IVNS1ABP: variants seen among roughly 807,000 people sequenced by gnomAD.
IVNS1ABP encodes the protein influenza virus NS1A binding protein.
Under a neutral mutation model 78.9 loss-of-function variants are expected in IVNS1ABP, and 25 were observed. That is an observed-to-expected ratio of 0.32 (90% confidence interval 0.23 to 0.44). The LOEUF (loss-of-function observed/expected upper bound fraction) is 0.44. IVNS1ABP is among the 20% of genes least tolerant of loss of function. IVNS1ABP has a pLI of 1.00. For synonymous variants in IVNS1ABP, 241 were observed against 259.7 expected (o/e 0.93, Z 0.69); for missense variants, 494 against 768.9 (o/e 0.64, Z 4.23).
At chr1:185,301,300 C>T in intron 9 of IVNS1ABP, 104 bp from the exon 10 acceptor site, 1 of 1,413,490 alleles carries the variant, frequency 7.1e-7, no homozygotes, top group East Asian at 2.3e-5. Flanking sequence ...CTGGAACAAT[C>T]TGCTCTCGTT....
At chr1:185,306,515 C>A (rs997153201) in intron 7 of IVNS1ABP, 1 of 1,289,228 alleles carries the variant, frequency 7.8e-7, no homozygotes, top group African/African-American at 1.5e-5. Flanking sequence ...CTGCCCACAG[C>A]GGATTTTTCT....
At chr1:185,312,937 T>A (rs1360835193) in intron 1 of IVNS1ABP, among the ~76,000 whole-genome samples, 1 of 152,136 alleles carries the variant, frequency 6.6e-6, no homozygotes, top group African/African-American at 2.4e-5. Flanking sequence ...GCTCTTAAAA[T>A]AAGAGGAAGG....
At chr1:185,306,845 T>C in intron 7 of IVNS1ABP, 169 bp downstream of exon 7, 2 of 773,096 alleles carry the variant, frequency 2.6e-6, no homozygotes, top group South Asian at 1.9e-5. Flanking sequence ...AACTGAACAG[T>C]TCATTCAGCT....
chr1:185,303,164 T>TA (rs899532094), intron 8 of IVNS1ABP, among the ~76,000 whole-genome samples: 3 of 152,044 alleles, frequency 2.0e-5, no homozygotes, highest in East Asian at 1.9e-4. Context: ...TGTACTGAAG[T>TA]AAAAAAACTG....
intron 9 of IVNS1ABP, 70 bp from the exon 10 acceptor site, chr1:185,301,266 GGAC>G: frequency 7.0e-7 from 1 of 1,433,012 alleles, no homozygotes; most frequent in Non-Finnish European, 9.7e-7. Context: ...ATCCTGAATT[GGAC>G]TCCAGTCTCC....
chr1:185,315,393 A>C (rs542968611), intron 1 of IVNS1ABP, among the ~76,000 whole-genome samples: 1 of 152,360 alleles, frequency 6.6e-6, no homozygotes, highest in South Asian at 2.1e-4. Context: ...GGGGAAAGTT[A>C]GAAAATCAAC....
In IVNS1ABP at chr1:185,296,820, C is replaced by G. The variant is rs1665431379; in HGVS notation, c.*1215G>C. Reference sequence around the variant, plus strand: ...AGTTATTTTCCACAAATTTCTTAAGCTCATTACTGGAAAAAAAAATTTCTC... The same window carrying G: ...AGTTATTTTCCACAAATTTCTTAAGGTCATTACTGGAAAAAAAAATTTCTC... On this transcript the variant is annotated 3_prime_UTR_variant, in exon 15 of 15. Coordinates refer to ENST00000367498, the MANE Select transcript of IVNS1ABP (RefSeq NM_006469.5). The G allele has an allele frequency of 6.6e-6, 1 of 152,006 alleles. No individual in the cohort carries two copies. Among genetic ancestry groups the G allele is most frequent in the African/African-American group, 2.4e-5 (1 of 41,384 alleles). 9.4% of individuals were successfully genotyped at this position (152,006 alleles called of 1,614,324 possible). A position where few individuals can be genotyped will look rare whatever the true frequency, so the allele number is the denominator to read the frequency against.
In IVNS1ABP at chr1:185,305,504, C is replaced by T. The variant is rs1157477183; in HGVS notation, c.765+32G>A. ...ATCAAATTCTCTAGTCAAATTTTAA[C>T]CTGAGGTTACCTCAGACTGTGCAAT... On this transcript the variant is annotated intron_variant, in intron 8 of 14. Transcript: ENST00000367498. This position sits in a 1 kb window ranked among gnomAD's most constrained non-coding sequence, Gnocchi z 4.0. 3 of 1,607,450 alleles carry T rather than the reference C, an allele frequency of 1.9e-6. No homozygotes were observed. Among genetic ancestry groups the T allele is most frequent in the Non-Finnish European group, 8.5e-7 (1 of 1,176,822 alleles).
At position 185,305,994 on chromosome 1, in the gene IVNS1ABP, T is replaced by G. The variant is rs141191736; in HGVS notation, c.658-351A>C. ...TCTTAAAGAATATACATATTTACAA[T>G]AAAATACTGAATATAGTTTACACCT... On this transcript the variant is annotated intron_variant, in intron 7 of 14. Coordinates refer to ENST00000367498, the MANE Select transcript of IVNS1ABP (RefSeq NM_006469.5). The surrounding 1 kb of genome is among the most constrained non-coding windows in gnomAD (Gnocchi z 4.0). 65 of 193,058 alleles carry G rather than the reference T, an allele frequency of 3.4e-4. No homozygotes were observed. Among genetic ancestry groups the G allele is most frequent in the African/African-American group, 1.5e-3 (65 of 42,380 alleles). 12.0% of individuals were successfully genotyped at this position (193,058 alleles called of 1,614,324 possible).
intron 5 of IVNS1ABP, among the ~76,000 whole-genome samples, chr1:185,308,540 T>C (rs1378330969): frequency 6.6e-6 from 1 of 152,206 alleles, no homozygotes; most frequent in Non-Finnish European, 1.5e-5. Flanking sequence ...TTTTAATTCA[T>C]GCTATCAAAG....
At chr1:185,307,914 T>C in intron 5 of IVNS1ABP, 1 of 1,525,418 alleles carries the variant, frequency 6.6e-7, no homozygotes, top group East Asian at 2.5e-5. Flanking sequence ...ATAAGTATTT[T>C]CAAGTAGAAT....
intron 2 of IVNS1ABP, among the ~76,000 whole-genome samples, chr1:185,310,324 T>C (rs907201705): frequency 6.6e-6 from 1 of 152,090 alleles, no homozygotes; most frequent in African/African-American, 2.4e-5. Flanking sequence ...AAAACAGTGA[T>C]AGGCTGGGCG....
rs1200006343 is a variant in IVNS1ABP at position 185,297,482 on chromosome 1, C to G, written c.*553G>C. On this transcript the variant is annotated 3_prime_UTR_variant, in exon 15 of 15. Transcript: ENST00000367498. ...ATTTTACTTCAATTGGTAAAGCACT[C>G]TGCTGAGAATATAAAAAGTTATAAA... The G allele has an allele frequency of 6.5e-6, 1 of 153,136 alleles. No homozygotes were observed. Among genetic ancestry groups the G allele is most frequent in the East Asian group, 1.9e-4 (1 of 5,194 alleles). The allele number at this position is 153,136 out of a possible 1,614,324, so 9.5% of individuals were successfully genotyped here.
intron 5 of IVNS1ABP, chr1:185,308,025 C>G: frequency 6.5e-7 from 1 of 1,549,112 alleles, no homozygotes; most frequent in Non-Finnish European, 8.7e-7. Flanking sequence ...ATGCTGCAAA[C>G]AATTTAATTT....
intron 9 of IVNS1ABP, 62 bp from the exon 10 acceptor site, chr1:185,301,258 C>T (rs1665590237): frequency 1.4e-5 from 21 of 1,473,090 alleles, no homozygotes; most frequent in Non-Finnish European, 1.8e-5. Context: ...TGTATATGAT[C>T]CTGAATTGGA....
chr1:185,301,293 G>T, intron 9 of IVNS1ABP, 97 bp from the exon 10 acceptor site: 1 of 1,400,510 alleles, frequency 7.1e-7, no homozygotes, highest in Non-Finnish European at 9.9e-7. Flanking sequence ...TCCCAGACTG[G>T]AACAATCTGC....
chr1:185,312,825 G>T (rs559870755), intron 1 of IVNS1ABP, among the ~76,000 whole-genome samples: 2 of 152,190 alleles, frequency 1.3e-5, no homozygotes, highest in East Asian at 3.9e-4. Flanking sequence ...TTTCAGCCAA[G>T]ACCTGGCTCA....
In IVNS1ABP at chr1:185,300,507, T is replaced by C. The variant is rs144406498; in HGVS notation, c.1172A>G (p.His391Arg). The change falls in exon 11 of 15, where the codon CAT (histidine) becomes CGT (arginine). Residue 391 changes from histidine to arginine, a missense_variant. Physicochemically the swap from His to Arg is conservative, Grantham distance 29. Coordinates refer to ENST00000367498, the MANE Select transcript of IVNS1ABP (RefSeq NM_006469.5). ...AGCAAGAAAGGACCAGTGATCTGTA[T>C]GTGGATTATAGCATTCGACTGTTCG... ...CLRTVECYNP[H>R]TDHWSFLAPM... 9.2e-5 allele frequency: 149 copies of C among 1,613,636 alleles called. No individual in the cohort carries two copies. The highest frequency in any genetic ancestry group is 1.5e-4 in the Admixed American group (9 of 59,966).
At position 185,300,424 on chromosome 1, in the gene IVNS1ABP, A is replaced by G. The variant is rs769898706; in HGVS notation, c.1242+13T>C. 1.2e-6 allele frequency: 2 copies of G among 1,613,634 alleles called. No homozygotes were observed. Among genetic ancestry groups the G allele is most frequent in the Non-Finnish European group, 1.7e-6 (2 of 1,179,724 alleles). On this transcript the variant is annotated intron_variant, in intron 11 of 14. Transcript: ENST00000367498. Reference sequence around the variant, plus strand: ...GCTAAATAGGGGTTGCTCCTGCAACATAATGCGCTTACCATGAGTACAGCC... The same window carrying G: ...GCTAAATAGGGGTTGCTCCTGCAACGTAATGCGCTTACCATGAGTACAGCC...
Sources: allele counts gnomAD v4.1 joint callset (sites outside exome capture counted in the v4.1 genomes callset), GRCh38; gene constraint gnomAD v4.1.1; non-coding constraint Gnocchi (gnomAD v3.1); transcripts MANE v1.5; gene names NCBI Gene and HGNC (gene_info 2026-07-23, HGNC 2026-07-21).